PLN: variants seen among roughly 807,000 people sequenced by gnomAD.
PLN encodes the protein cardiac phospholamban.
Under a neutral mutation model 3.9 loss-of-function variants are expected in PLN, and 1 was observed. The ratio of observed to expected loss-of-function variants is 0.26; its 90% CI spans 0.09 to 1.23. PLN has a LOEUF of 1.23. Among genes scored for constraint, PLN ranks in the 50% most tolerant of loss-of-function variants. The probability of loss-of-function intolerance (pLI) is 0.48; values close to 1 mark genes in which losing one functional copy is unlikely to be tolerated. For missense variants in PLN, 59 were observed against 62.7 expected, an observed-to-expected ratio of 0.94 and a Z score of 0.20; for synonymous variants, 21 against 20.5, an observed-to-expected ratio of 1.02 and a Z score of -0.07.
chr6:118,555,566 AC>A (rs1170332323), intron 1 of PLN, among the ~76,000 whole-genome samples: 2 of 152,216 alleles, frequency 1.3e-5, no homozygotes, highest in African/African-American at 4.8e-5. Context: ...TCAATAAAGA[AC>A]AAAAGAAAAT....
rs988801942 is a variant in PLN, at chr6:118,559,684, G to T, written c.*604G>T. On this transcript the variant is annotated 3_prime_UTR_variant, in exon 2 of 2. Transcript: ENST00000357525. ...TGCCACATTAACATCTTTTAAAGTT[G>T]ATGAGAATCAAGTATGGAAAAGTAA... 1 of 168,822 alleles carries T rather than the reference G, an allele frequency of 5.9e-6. No homozygotes were observed. Among genetic ancestry groups the T allele is most frequent in the Non-Finnish European group, 1.4e-5 (1 of 69,364 alleles). The allele number at this position is 168,822 out of a possible 1,614,324, so 10.5% of individuals were successfully genotyped here.
At chr6:118,551,296 A>G (rs951391967) in intron 1 of PLN, among the ~76,000 whole-genome samples, 8 of 151,588 alleles carry the variant, frequency 5.3e-5, no homozygotes, top group Non-Finnish European at 7.4e-5. Context: ...TTGAAAAGGT[A>G]CTCCATCTTT....
chr6:118,551,041 T>C (rs1231251911), intron 1 of PLN, among the ~76,000 whole-genome samples: 1 of 151,886 alleles, frequency 6.6e-6, no homozygotes, highest in African/African-American at 2.4e-5. Flanking sequence ...ATTTGTTTCA[T>C]TGCTAAAATA....
intron 1 of PLN, among the ~76,000 whole-genome samples, chr6:118,550,119 C>T (rs751739126): frequency 6.6e-5 from 10 of 151,820 alleles, no homozygotes; most frequent in East Asian, 5.8e-4. Flanking sequence ...GTTTTAAAAA[C>T]GCATGAAAGA....
At position 118,559,170 on chromosome 6, in the gene PLN, G is replaced by A. The variant is rs886060998; in HGVS notation, c.*90G>A. On this transcript the variant is annotated 3_prime_UTR_variant, in exon 2 of 2. Transcript: ENST00000357525. Reference sequence around the variant, plus strand: ...GACAGGAAAACAATATTGTATAACAGACCACTTCCTGAGTAGAAGAGTTTC... The same window carrying A: ...GACAGGAAAACAATATTGTATAACAAACCACTTCCTGAGTAGAAGAGTTTC... The A allele has an allele frequency of 5.3e-6, 5 of 939,322 alleles. No individual in the cohort carries two copies. The highest frequency in any genetic ancestry group is 1.7e-5 in the Admixed American group (1 of 59,150). 58.2% of individuals were successfully genotyped at this position (939,322 alleles called of 1,614,324 possible). A position where few individuals can be genotyped will look rare whatever the true frequency, so the allele number is the denominator to read the frequency against.
intron 1 of PLN, among the ~76,000 whole-genome samples, chr6:118,558,490 A>G (rs780064073): frequency 1.6e-4 from 25 of 152,024 alleles, no homozygotes; most frequent in Non-Finnish European, 2.8e-4. Flanking sequence ...ACTGAGGATT[A>G]CTCCAATACT....
In PLN at chr6:118,559,058, G is replaced by T. The variant is rs2114970255; in HGVS notation, c.137G>T (p.Cys46Phe). Residue 46 changes from cysteine (C) to phenylalanine (F), a missense_variant, in exon 2 of 2, where the codon TGT becomes TTT. Physicochemically the swap from Cys to Phe is radical, Grantham distance 205 (BLOSUM62 -2). Transcript: ENST00000357525. Reference sequence around the variant, plus strand: ...ATCTTAATATGTCTCTTGCTGATCTGTATCATCGTGATGCTTCTCTGAAGT... The same window carrying T: ...ATCTTAATATGTCTCTTGCTGATCTTTATCATCGTGATGCTTCTCTGAAGT... ...CLILICLLLICIIVMLL is the reference protein window; with the variant it reads ...CLILICLLLIFIIVMLL The T allele has an allele frequency of 6.2e-7, 1 of 1,611,822 alleles. No individual in the cohort carries two copies. Among genetic ancestry groups the T allele is most frequent in the South Asian group, 1.1e-5 (1 of 91,040 alleles).
chr6:118,551,349 A>G (rs916438853), intron 1 of PLN, among the ~76,000 whole-genome samples: 5 of 151,502 alleles, frequency 3.3e-5, no homozygotes, highest in Admixed American at 1.3e-4. Flanking sequence ...AAGGTTGACT[A>G]ACTCACTCAC....
intron 1 of PLN, among the ~76,000 whole-genome samples, chr6:118,554,487 G>C (rs920657897): frequency 2.6e-5 from 4 of 152,174 alleles, no homozygotes; most frequent in African/African-American, 9.6e-5. Flanking sequence ...AATAGTTTTA[G>C]TCATAAAAAT....
At position 118,559,474 on chromosome 6, in the gene PLN, A is replaced by G. The variant is rs1452849009; in HGVS notation, c.*394A>G. ...TGAGGTGAATATAATTTATATTACA[A>G]TGTAAAAGCTTCTTTAATACTAAGT... On this transcript the variant is annotated 3_prime_UTR_variant, in exon 2 of 2. Transcript: ENST00000357525. 4.0e-6 allele frequency: 1 copy of G among 247,628 alleles called. No homozygotes were observed. The highest frequency in any genetic ancestry group is 2.3e-5 in the African/African-American group (1 of 43,288). The allele number at this position is 247,628 out of a possible 1,614,324, so 15.3% of individuals were successfully genotyped here. A position where few individuals can be genotyped will look rare whatever the true frequency, so the allele number is the denominator to read the frequency against.
chr6:118,558,883 G>C lies in PLN; in HGVS notation c.-39G>C, dbSNP rs375430634. 20 of 1,560,928 alleles carry C rather than the reference G, an allele frequency of 1.3e-5. No homozygotes were observed. Among genetic ancestry groups the C allele is most frequent in the Non-Finnish European group, 1.7e-5 (19 of 1,132,230 alleles). ...GCTGCCAGCTTTTTATCTTTCTCTC[G>C]ACCACTTAAAACTTCAGACTTCCTG... On this transcript the variant is annotated 5_prime_UTR_variant, in exon 2 of 2. Coordinates refer to ENST00000357525, the MANE Select transcript of PLN (RefSeq NM_002667.5).
At position 118,559,370 on chromosome 6, in the gene PLN, T is replaced by C; in HGVS notation, c.*290T>C. 3 of 397,690 alleles carry C rather than the reference T, an allele frequency of 7.5e-6. No individual in the cohort carries two copies. Among genetic ancestry groups the C allele is most frequent in the Non-Finnish European group, 1.5e-5 (3 of 204,166 alleles). 24.6% of individuals were successfully genotyped at this position (397,690 alleles called of 1,614,324 possible). ...TCACAAATTTCTATCCCAAATCTTT[T>C]CTGAAGATGAAGAGTTTAGTTTTAA... On this transcript the variant is annotated 3_prime_UTR_variant, in exon 2 of 2. Transcript: ENST00000357525.
chr6:118,561,393 T>C lies in PLN; in HGVS notation c.*2313T>C, dbSNP rs188350954. 3.2e-4 allele frequency among the ~76,000 whole-genome samples: 49 copies of C among 152,256 alleles called. No homozygotes were observed. The highest frequency in any genetic ancestry group is 1.1e-3 in the African/African-American group (47 of 41,568). On this transcript the variant is annotated 3_prime_UTR_variant, in exon 2 of 2. Transcript: ENST00000357525. ...AACTAATTTTTTTGTTCTTCATTCT[T>C]TGATAGAAATTAAAATCTTATTCTG...
chr6:118,559,710 G>A lies in PLN; in HGVS notation c.*630G>A, dbSNP rs957736766. 5.9e-6 allele frequency: 1 copy of A among 168,504 alleles called. No individual in the cohort carries two copies. Among genetic ancestry groups the A allele is most frequent in the Non-Finnish European group, 1.4e-5 (1 of 69,120 alleles). The allele number at this position is 168,504 out of a possible 1,614,324, so 10.4% of individuals were successfully genotyped here. ...ATGAGAATCAAGTATGGAAAAGTAA[G>A]GCCATACTCTTACATAATAAAATTC... On this transcript the variant is annotated 3_prime_UTR_variant, in exon 2 of 2. Coordinates refer to ENST00000357525, the MANE Select transcript of PLN (RefSeq NM_002667.5).
At chr6:118,554,395 C>T (rs1029660538) in intron 1 of PLN, among the ~76,000 whole-genome samples, 32 of 152,130 alleles carry the variant, frequency 2.1e-4, no homozygotes, top group Admixed American at 1.7e-3. Context: ...ATTCGTCCCG[C>T]CTAGGCCTTC....
At chr6:118,552,182 ATGTTTAC>A (rs1472474300) in intron 1 of PLN, among the ~76,000 whole-genome samples, 2 of 152,014 alleles carry the variant, frequency 1.3e-5, no homozygotes, top group Non-Finnish European at 2.9e-5. Flanking sequence ...CAGTACTCCC[ATGTTTAC>A]TAAAAGAATA....
At chr6:118,558,791 T>G in intron 1 of PLN, 34 bp from the exon 2 acceptor site, 4 of 719,920 alleles carry the variant, frequency 5.6e-6, no homozygotes, top group South Asian at 4.5e-5. Flanking sequence ...GTTACATAGA[T>G]GATTCTAATC....
At position 118,560,923 on chromosome 6, in the gene PLN, C is replaced by G. The variant is rs533562599; in HGVS notation, c.*1843C>G. On this transcript the variant is annotated 3_prime_UTR_variant, in exon 2 of 2. Coordinates refer to ENST00000357525, the MANE Select transcript of PLN (RefSeq NM_002667.5). Reference sequence around the variant, plus strand: ...TTTAATTTCAGTTGAAGACATGTTACTAATATAACTATTATTAAAAGAGTA... The same window carrying G: ...TTTAATTTCAGTTGAAGACATGTTAGTAATATAACTATTATTAAAAGAGTA... 1.3e-5 allele frequency among the ~76,000 whole-genome samples: 2 copies of G among 152,268 alleles called. No individual in the cohort carries two copies. Among genetic ancestry groups the G allele is most frequent in the South Asian group, 4.1e-4 (2 of 4,830 alleles).
rs1470216204 is a variant in PLN, at chr6:118,560,170, T to G, written c.*1090T>G. Reference sequence around the variant, plus strand: ...TGAACTTGTTGGCCCATCTATTACATCTACAGCTGACCCTTGAACATGGGG... The same window carrying G: ...TGAACTTGTTGGCCCATCTATTACAGCTACAGCTGACCCTTGAACATGGGG... On this transcript the variant is annotated 3_prime_UTR_variant, in exon 2 of 2. Transcript: ENST00000357525. 6.0e-6 allele frequency: 1 copy of G among 167,070 alleles called. No individual in the cohort carries two copies. The highest frequency in any genetic ancestry group is 2.4e-5 in the African/African-American group (1 of 41,454). The allele number at this position is 167,070 out of a possible 1,614,324, so 10.3% of individuals were successfully genotyped here. A position where few individuals can be genotyped will look rare whatever the true frequency, so the allele number is the denominator to read the frequency against.
Sources: allele counts gnomAD v4.1 joint callset (sites outside exome capture counted in the v4.1 genomes callset), GRCh38; gene constraint gnomAD v4.1.1; transcripts MANE v1.5; gene names NCBI Gene and HGNC (gene_info 2026-07-23, HGNC 2026-07-21).